Variants in B3GALT1 observed in about 807,000 individuals in gnomAD.
B3GALT1 encodes UDP-Gal:betaGlcNAc beta 1,3-galactosyltransferase, polypeptide 1.
B3GALT1 carries 10 observed loss-of-function variants against 23.2 expected under a neutral mutation model. The observed-to-expected ratio is 0.43, with a 90% confidence interval of 0.27 to 0.73. The LOEUF is 0.73. B3GALT1 is among the 30% of genes least tolerant of loss of function. The probability of loss-of-function intolerance (pLI) is 0.21; values close to 1 mark genes in which losing one functional copy is unlikely to be tolerated. For synonymous variants in B3GALT1, 156 were observed against 141.5 expected, an observed-to-expected ratio of 1.10 and a Z score of -0.73; for missense variants, 299 against 405.4, an observed-to-expected ratio of 0.74 and a Z score of 2.25.
intron 3 of B3GALT1, among the ~76,000 whole-genome samples, chr2:167,752,224 G>A (rs549268629): frequency 2.6e-5 from 4 of 152,002 alleles, no homozygotes; most frequent in Middle Eastern, 3.4e-3. Context: ...AGACACTTCC[G>A]GTTAAGATGA....
chr2:167,833,157 G>A (rs189850022), intron 4 of B3GALT1, among the ~76,000 whole-genome samples: 1 of 152,318 alleles, frequency 6.6e-6, no homozygotes, highest in East Asian at 1.9e-4. Context: ...TTATGCAAAT[G>A]ACTGTGGCAG....
At chr2:167,795,541 T>C (rs1256076359) in intron 3 of B3GALT1, among the ~76,000 whole-genome samples, 1 of 152,198 alleles carries the variant, frequency 6.6e-6, no homozygotes, top group Non-Finnish European at 1.5e-5. Context: ...ATTTTTTTTC[T>C]CTGTTCTTTG....
chr2:167,347,138 A>G (rs755326885), intron 1 of B3GALT1, among the ~76,000 whole-genome samples: 8 of 152,168 alleles, frequency 5.3e-5, no homozygotes, highest in Non-Finnish European at 1.0e-4. Flanking sequence ...TTCTAATCTT[A>G]TGGATTCTAA....
intron 4 of B3GALT1, among the ~76,000 whole-genome samples, chr2:167,827,955 C>T (rs1558993311): frequency 6.6e-6 from 1 of 152,186 alleles, no homozygotes; most frequent in Non-Finnish European, 1.5e-5. Flanking sequence ...ACAACCACAG[C>T]ATTCAGCCCC....
chr2:167,582,166 C>T lies in B3GALT1; in HGVS notation c.-409-64743C>T, dbSNP rs566623403. On this transcript the variant is annotated intron_variant, in intron 2 of 4. Transcript: ENST00000392690. ...ACACCAGCTGTTAATGTCTTAGAGC[C>T]GGTTGACCAGTTTAATTATCTTGGA... is the stretch of plus-strand genomic sequence containing the variant. Among the ~76,000 whole-genome samples, 348 of 152,266 alleles carry T rather than the reference C, an allele frequency of 2.3e-3. 1 individual carries two copies. Among genetic ancestry groups the T allele is most frequent in the Non-Finnish European group, 3.5e-3 (240 of 68,018 alleles).
intron 3 of B3GALT1, among the ~76,000 whole-genome samples, chr2:167,708,497 C>T (rs1326751354): frequency 6.6e-6 from 1 of 152,102 alleles, no homozygotes; most frequent in African/African-American, 2.4e-5. Context: ...CCCGTCTCTA[C>T]TAAAAATACA....
intron 3 of B3GALT1, among the ~76,000 whole-genome samples, chr2:167,774,490 T>G (rs77428147): frequency 0.2 from 18,075 of 89,582 alleles, 1,475 homozygotes; most frequent in East Asian, 0.49. Context: ...TTTTTGTTTT[T>G]TTTTTTGTTT....
chr2:167,700,883 T>C lies in B3GALT1; in HGVS notation c.-352+53917T>C, dbSNP rs550140186. On this transcript the variant is annotated intron_variant, in intron 3 of 4. Coordinates refer to ENST00000392690, the MANE Select transcript of B3GALT1 (RefSeq NM_020981.4). ...GTAGAGAGTGATCAAGAAGAAGATATCTCCAAGAAAGTGTGACATTTGTAA... is the reference window on the plus strand; with the variant it reads ...GTAGAGAGTGATCAAGAAGAAGATACCTCCAAGAAAGTGTGACATTTGTAA... Among the ~76,000 whole-genome samples the C allele has an allele frequency of 2.4e-4, 36 of 152,066 alleles. No homozygotes were observed. In the South Asian group the frequency reaches 5.6e-3, roughly 24 times the overall value.
intron 2 of B3GALT1, among the ~76,000 whole-genome samples, chr2:167,514,892 A>T (rs1700077915): frequency 6.6e-6 from 1 of 152,196 alleles, no homozygotes; most frequent in South Asian, 2.1e-4. Flanking sequence ...ATAATTTGTT[A>T]TGAAGAAAAG....
intron 4 of B3GALT1, among the ~76,000 whole-genome samples, chr2:167,825,773 G>A (rs892586218): frequency 1.5e-4 from 23 of 152,158 alleles, no homozygotes; most frequent in African/African-American, 5.1e-4. Flanking sequence ...CTTGGGCAGG[G>A]AGTCTGTGCC....
chr2:167,520,616 T>C (rs1444659106), intron 2 of B3GALT1, among the ~76,000 whole-genome samples: 2 of 152,238 alleles, frequency 1.3e-5, no homozygotes, highest in Non-Finnish European at 2.9e-5. Context: ...CCATGACTTT[T>C]GCTCTTGATT....
chr2:167,325,702 C>CTTTTTTTT lies in B3GALT1; in HGVS notation c.-511+32386_-511+32393dup, dbSNP rs61066636. 2.8e-3 allele frequency among the ~76,000 whole-genome samples: 310 copies of CTTTTTTTT among 110,534 alleles called. 1 individual carries two copies. Among genetic ancestry groups the CTTTTTTTT allele is most frequent in the African/African-American group, 5.8e-3 (176 of 30,216 alleles). 72.5% of individuals were successfully genotyped at this position (110,534 alleles called of 152,430 possible). Reference sequence around the variant, plus strand: ...TTTTGAGAAATCTCCACCCTGTTTTCTTTTTTTTTTTTTTTTTTTTTTTTT... The same window carrying CTTTTTTTT: ...TTTTGAGAAATCTCCACCCTGTTTTCTTTTTTTTTTTTTTTTTTTTTTTTTTTTTTTTT... On this transcript the variant is annotated intron_variant, in intron 1 of 4. Coordinates refer to ENST00000392690, the MANE Select transcript of B3GALT1 (RefSeq NM_020981.4).
intron 1 of B3GALT1, among the ~76,000 whole-genome samples, chr2:167,364,610 T>C (rs2105265331): frequency 6.6e-6 from 1 of 152,302 alleles, no homozygotes. Context: ...GTCCTTGCGA[T>C]AGTTTGCTCA....
chr2:167,638,183 A>G (rs1685591221), intron 2 of B3GALT1, among the ~76,000 whole-genome samples: 1 of 152,210 alleles, frequency 6.6e-6, no homozygotes, highest in Non-Finnish European at 1.5e-5. Context: ...AATCAATTTG[A>G]AAATTAAGCT....
At chr2:167,426,252 G>A (rs538294549) in intron 1 of B3GALT1, among the ~76,000 whole-genome samples, 1 of 151,968 alleles carries the variant, frequency 6.6e-6, no homozygotes, top group Admixed American at 6.6e-5. Context: ...AAACTTGAGG[G>A]GCATTCAGGA....
At chr2:167,775,781 A>G (rs1688151649) in intron 3 of B3GALT1, among the ~76,000 whole-genome samples, 1 of 151,678 alleles carries the variant, frequency 6.6e-6, no homozygotes, top group African/African-American at 2.4e-5. Context: ...AACTGATTAC[A>G]TGACCAGCAA....
At chr2:167,432,737 C>T (rs1231411519) in intron 1 of B3GALT1, among the ~76,000 whole-genome samples, 2 of 152,086 alleles carry the variant, frequency 1.3e-5, no homozygotes, top group Admixed American at 6.6e-5. Context: ...ATTCAAAAGG[C>T]AGAGGAAAAA....
In B3GALT1 at chr2:167,861,309, A is replaced by G. The variant is rs148002188; in HGVS notation, c.-229-7502A>G. Among the ~76,000 whole-genome samples the G allele has an allele frequency of 2.2e-4, 34 of 152,342 alleles. 1 individual carries two copies. The East Asian group carries it at 3.7e-3, about 16-fold the overall frequency. On this transcript the variant is annotated intron_variant, in intron 4 of 4. Coordinates refer to ENST00000392690, the MANE Select transcript of B3GALT1 (RefSeq NM_020981.4). ...TTTCAACTTAGGATATTTTCAATCT[A>G]CAATGTGTTTATTGGGATGTAACCC...
chr2:167,351,824 A>G (rs1480416413), intron 1 of B3GALT1, among the ~76,000 whole-genome samples: 2 of 152,216 alleles, frequency 1.3e-5, no homozygotes, highest in Non-Finnish European at 1.5e-5. Context: ...ACAAAGACAC[A>G]CATGACCACT....
Sources: allele counts gnomAD v4.1 joint callset (sites outside exome capture counted in the v4.1 genomes callset), GRCh38; gene constraint gnomAD v4.1.1; transcripts MANE v1.5; gene names NCBI Gene and HGNC (gene_info 2026-07-23, HGNC 2026-07-21).